The following NFIA variants were observed in gnomAD, a reference collection of about 807,000 sequenced individuals.
NFIA encodes nuclear factor 1 A-type.
NFIA carries 8 observed loss-of-function variants against 62.8 expected under a neutral mutation model. The ratio of observed to expected loss-of-function variants is 0.13; its 90% CI spans 0.07 to 0.23. NFIA has a LOEUF of 0.23. Among genes scored for constraint, NFIA ranks in the 10% least tolerant of loss-of-function variants. The probability of loss-of-function intolerance (pLI) is 1.00; values close to 1 mark genes in which losing one functional copy is unlikely to be tolerated. For synonymous variants in NFIA, 235 were observed against 238.1 expected (o/e 0.99, Z 0.12); for missense variants, 410 against 642.1 (o/e 0.64, Z 3.91).
chr1:61,218,160 A>G (rs868795405), intron 2 of NFIA, among the ~76,000 whole-genome samples: 15 of 152,026 alleles, frequency 9.9e-5, no homozygotes, highest in South Asian at 2.1e-4. Flanking sequence ...ATATGCAGAG[A>G]CATATTTTGT....
At chr1:61,174,194 C>T (rs1650168864) in intron 2 of NFIA, among the ~76,000 whole-genome samples, 2 of 152,220 alleles carry the variant, frequency 1.3e-5, no homozygotes, top group South Asian at 4.1e-4. Flanking sequence ...ATGGAGAGGT[C>T]GGCGGCTAAA....
chr1:61,416,934 G>A (rs993293743), intron 9 of NFIA, among the ~76,000 whole-genome samples: 3 of 151,762 alleles, frequency 2.0e-5, no homozygotes, highest in Non-Finnish European at 2.9e-5. Flanking sequence ...TTTACATTAC[G>A]TCAAGAATAA....
At chr1:61,288,579 T>A (rs2100302143) in intron 3 of NFIA, among the ~76,000 whole-genome samples, 1 of 152,322 alleles carries the variant, frequency 6.6e-6, no homozygotes, top group South Asian at 2.1e-4. Context: ...TAGCTCACAA[T>A]CATTGTGGAC....
chr1:61,260,042 GA>G, intron 2 of NFIA, among the ~76,000 whole-genome samples: 1 of 151,944 alleles, frequency 6.6e-6, no homozygotes, highest in Non-Finnish European at 1.5e-5. Flanking sequence ...AAAGCCTATG[GA>G]AAAAAAATCA....
intron 2 of NFIA, among the ~76,000 whole-genome samples, chr1:61,196,898 AGTGTGTGTGTGT>A (rs3030264): frequency 0.18 from 27,238 of 148,458 alleles, 3,712 homozygotes; most frequent in African/African-American, 0.39. Flanking sequence ...ACCTTAAAGG[AGTGTGTGTGTGT>A]GTGTGTGTGT....
intron 5 of NFIA, among the ~76,000 whole-genome samples, chr1:61,357,370 G>A (rs929188758): frequency 3.9e-5 from 6 of 152,236 alleles, no homozygotes; most frequent in Admixed American, 2.6e-4. Context: ...CTGTGAGGGT[G>A]TCTGGGACAA....
rs2100610144 is a variant in NFIA, at chr1:61,216,089, C to T, written c.560-61431C>T. Among the ~76,000 whole-genome samples, 3 of 152,234 alleles carry T rather than the reference C, an allele frequency of 2.0e-5. No homozygotes were observed. The South Asian group carries it at 6.2e-4, about 32-fold the overall frequency. ...GTGATAGTCATATCTTGTTGTAAACCATGTTGTAGTGACATAGTTCCAGTT... is the reference window on the plus strand; with the variant it reads ...GTGATAGTCATATCTTGTTGTAAACTATGTTGTAGTGACATAGTTCCAGTT... On this transcript the variant is annotated intron_variant, in intron 2 of 10. Coordinates refer to ENST00000403491, the MANE Select transcript of NFIA (RefSeq NM_001134673.4).
At chr1:61,141,030 A>G (rs1406623953) in intron 2 of NFIA, among the ~76,000 whole-genome samples, 2 of 149,126 alleles carry the variant, frequency 1.3e-5, no homozygotes, top group East Asian at 2.0e-4. Flanking sequence ...ACGCCAACAG[A>G]ATGGAGACTC....
intron 2 of NFIA, among the ~76,000 whole-genome samples, chr1:61,144,868 G>C (rs769949758): frequency 6.6e-6 from 1 of 152,028 alleles, no homozygotes; most frequent in Non-Finnish European, 1.5e-5. Context: ...TTCCAACCTG[G>C]GTCCATTTTT....
At chr1:61,341,225 G>A (rs915187085) in intron 4 of NFIA, among the ~76,000 whole-genome samples, 24 of 151,672 alleles carry the variant, frequency 1.6e-4, no homozygotes, top group East Asian at 5.9e-4. Flanking sequence ...CACCGCGCCC[G>A]GCTAATTTTT....
intron 1 of NFIA, among the ~76,000 whole-genome samples, chr1:61,084,176 A>G (rs1010617855): frequency 6.6e-6 from 1 of 152,220 alleles, no homozygotes; most frequent in Admixed American, 6.5e-5. Flanking sequence ...TTCATTTAGT[A>G]GGAGATAACG....
At chr1:61,310,584 C>T (rs999704696) in intron 3 of NFIA, among the ~76,000 whole-genome samples, 3 of 152,144 alleles carry the variant, frequency 2.0e-5, no homozygotes, top group Non-Finnish European at 4.4e-5. Context: ...TAACTTTCCC[C>T]AAATGCCAGT....
At chr1:61,122,434 G>A (rs892083619) in intron 2 of NFIA, among the ~76,000 whole-genome samples, 1 of 152,172 alleles carries the variant, frequency 6.6e-6, no homozygotes, top group Non-Finnish European at 1.5e-5. Flanking sequence ...GTGTTGCTGA[G>A]TGTCTCGTTA....
At chr1:61,214,329 A>AT (rs1653468668) in intron 2 of NFIA, among the ~76,000 whole-genome samples, 1 of 128,760 alleles carries the variant, frequency 7.8e-6, no homozygotes, top group Admixed American at 7.3e-5. Context: ...AGTCCTTGCA[A>AT]TAAAAAAAAA....
chr1:61,082,388 C>G, upstream of NFIA: 1 of 771,918 alleles, frequency 1.3e-6, no homozygotes, highest in Non-Finnish European at 1.6e-6. Flanking sequence ...CCCGCGGCGG[C>G]GGCGCGAGCG....
At chr1:61,210,876 A>C (rs988071716) in intron 2 of NFIA, among the ~76,000 whole-genome samples, 1 of 152,230 alleles carries the variant, frequency 6.6e-6, no homozygotes, top group Non-Finnish European at 1.5e-5. Context: ...AGAGCGTAAT[A>C]TTCTTCTAGT....
chr1:61,323,464 A>T (rs1245078336), intron 3 of NFIA, among the ~76,000 whole-genome samples: 1 of 152,240 alleles, frequency 6.6e-6, no homozygotes, highest in Non-Finnish European at 1.5e-5. Context: ...AACAGAATAT[A>T]TATGTACTTT....
intron 2 of NFIA, among the ~76,000 whole-genome samples, chr1:61,115,435 G>T (rs937524698): frequency 1.3e-5 from 2 of 152,218 alleles, no homozygotes; most frequent in African/African-American, 4.8e-5. Context: ...CTTACACATA[G>T]ACTACAAGGG....
intron 2 of NFIA, among the ~76,000 whole-genome samples, chr1:61,159,210 T>G (rs187296800): frequency 9.3e-4 from 141 of 152,280 alleles, no homozygotes; most frequent in African/African-American, 3.3e-3. Context: ...TAAACATTTT[T>G]TACCTGGTGA....
Sources: allele counts gnomAD v4.1 joint callset (sites outside exome capture counted in the v4.1 genomes callset), GRCh38; gene constraint gnomAD v4.1.1; transcripts MANE v1.5; gene names NCBI Gene and HGNC (gene_info 2026-07-23, HGNC 2026-07-21).